Variants in PPP1R42 observed in about 807,000 individuals in gnomAD.
The protein encoded by PPP1R42 is protein phosphatase 1 regulatory subunit 42.
A neutral mutation model predicts 31.0 loss-of-function variants in PPP1R42; 34 were observed. The ratio of observed to expected loss-of-function variants is 1.10; its 90% CI spans 0.83 to 1.46. The LOEUF (loss-of-function observed/expected upper bound fraction) is 1.46, where lower values mean the gene tolerates loss of function less well. Ranked by LOEUF, PPP1R42 falls within the 40% of genes most tolerant of loss-of-function variation. The probability of loss-of-function intolerance (pLI) is 0.00; values close to 1 mark genes in which losing one functional copy is unlikely to be tolerated. For missense variants in PPP1R42, 268 were observed against 303.0 expected (o/e 0.88, Z 0.86); for synonymous variants, 103 against 109.8 (o/e 0.94, Z 0.39).
At chr8:66,977,258 ACTC>A (rs1814703728) in intron 7 of PPP1R42, among the ~76,000 whole-genome samples, 1 of 145,196 alleles carries the variant, frequency 6.9e-6, no homozygotes, top group Non-Finnish European at 1.5e-5. Flanking sequence ...CTGGTCTTGA[ACTC>A]CTGATCTATG....
chr8:66,987,281 A>G (rs192752548), intron 6 of PPP1R42, among the ~76,000 whole-genome samples: 2 of 149,520 alleles, frequency 1.3e-5, no homozygotes, highest in African/African-American at 4.9e-5. Context: ...ATTTTTAGCA[A>G]ATGATCTTTT....
At chr8:67,011,558 A>G (rs1815845362) in intron 4 of PPP1R42, among the ~76,000 whole-genome samples, 1 of 152,150 alleles carries the variant, frequency 6.6e-6, no homozygotes, top group Non-Finnish European at 1.5e-5. Flanking sequence ...TTTTGTCTTT[A>G]TTTTACTAAA....
intron 1 of PPP1R42, among the ~76,000 whole-genome samples, chr8:67,024,864 G>A (rs149365390): frequency 1.9e-4 from 29 of 151,782 alleles, no homozygotes; most frequent in African/African-American, 6.0e-4. Flanking sequence ...GCATTCCAGC[G>A]ATAAACCAAA....
intron 1 of PPP1R42, among the ~76,000 whole-genome samples, chr8:67,026,004 CAA>C (rs534627312): frequency 2.1e-4 from 17 of 82,756 alleles, no homozygotes; most frequent in Admixed American, 5.5e-4. Flanking sequence ...GACTCCGTCT[CAA>C]AAAAAAAAAA....
In PPP1R42 at chr8:67,003,873, A is replaced by G. The variant is rs562415548; in HGVS notation, c.552+6842T>C. On this transcript the variant is annotated intron_variant, in intron 5 of 7. Transcript: ENST00000685739. ...TGGGAAGCCAAGGCGGGTGGATCAC[A>G]AGGTCAGGAGATTGAGACCATCCTG... Among the ~76,000 whole-genome samples the G allele has an allele frequency of 8.5e-5, 13 of 152,252 alleles. No individual in the cohort carries two copies. The South Asian group carries it at 2.3e-3, about 27-fold the overall frequency.
chr8:66,983,657 A>T (rs1023493400), intron 6 of PPP1R42, among the ~76,000 whole-genome samples: 1 of 152,218 alleles, frequency 6.6e-6, no homozygotes, highest in African/African-American at 2.4e-5. Context: ...TATTCTGATA[A>T]AATATTAGTT....
chr8:66,997,349 G>A lies in PPP1R42; in HGVS notation c.553-8832C>T, dbSNP rs148004569. Among the ~76,000 whole-genome samples, 380 of 151,942 alleles carry A rather than the reference G, an allele frequency of 2.5e-3. 2 individuals carry two copies. The highest frequency in any genetic ancestry group is 8.8e-3 in the African/African-American group (364 of 41,430). ...GGATCTCACTTTGAAACCCAGGCTGGAGTGCAGTGCCATGATCATGGCTCT... is the reference window on the plus strand; with the variant it reads ...GGATCTCACTTTGAAACCCAGGCTGAAGTGCAGTGCCATGATCATGGCTCT... On this transcript the variant is annotated intron_variant, in intron 5 of 7. Coordinates refer to ENST00000685739, the MANE Select transcript of PPP1R42 (RefSeq NM_001364910.1).
At chr8:66,985,435 A>T in intron 6 of PPP1R42, 1 of 800,104 alleles carries the variant, frequency 1.2e-6, no homozygotes. Context: ...TGTTGCATCT[A>T]CAATGCACCC....
At chr8:66,965,519 C>A (rs960939206) in intron 7 of PPP1R42, among the ~76,000 whole-genome samples, 5 of 150,792 alleles carry the variant, frequency 3.3e-5, no homozygotes, top group African/African-American at 4.9e-5. Flanking sequence ...TCACTGCAGG[C>A]TTGAACTCCG....
rs1051636998 is a variant in PPP1R42 at position 66,984,832 on chromosome 8, C to T, written c.671-2652G>A. On this transcript the variant is annotated intron_variant, in intron 6 of 7. Transcript: ENST00000685739. Reference sequence around the variant, plus strand: ...TTCTGGAGGAGGCATCAGGCCCAGCCTGACTTTTTCTAGTAGTTCCTTCTG... The same window carrying T: ...TTCTGGAGGAGGCATCAGGCCCAGCTTGACTTTTTCTAGTAGTTCCTTCTG... The T allele has an allele frequency of 1.0e-5, 16 of 1,598,112 alleles. No individual in the cohort carries two copies. The African/African-American group carries it at 2.0e-4, about 20-fold the overall frequency.
intron 6 of PPP1R42, chr8:66,985,973 T>G: frequency 1.3e-6 from 1 of 746,920 alleles, no homozygotes; most frequent in Admixed American, 1.9e-5. Flanking sequence ...GTTTTCTGCT[T>G]CCGTCACTGC....
At chr8:66,977,500 G>A (rs1036398725) in intron 7 of PPP1R42, among the ~76,000 whole-genome samples, 1 of 151,816 alleles carries the variant, frequency 6.6e-6, no homozygotes, top group African/African-American at 2.4e-5. Flanking sequence ...ACCACACTGA[G>A]CTAATTTTCT....
At position 67,013,017 on chromosome 8, in the gene PPP1R42, G is replaced by T. The variant is rs1287868699; in HGVS notation, c.376C>A (p.Gln126Lys). Residue 126 changes from glutamine to lysine, a missense_variant, in exon 4 of 8, where the codon CAG becomes AAG. Transcript: ENST00000685739. ...AGCTTTTCCCCAAGGGGAAGCCTCT[G>T]ATTCTCAACATGAAGCTCTCTTAGT... ...GELRELHVEN[Q>K]RLPLGEKLLF... 6.2e-7 allele frequency: 1 copy of T among 1,612,246 alleles called. No homozygotes were observed. The highest frequency in any genetic ancestry group is 8.5e-7 in the Non-Finnish European group (1 of 1,179,288).
intron 6 of PPP1R42, among the ~76,000 whole-genome samples, chr8:66,986,813 T>C (rs549595301): frequency 8.5e-5 from 13 of 152,274 alleles, no homozygotes; most frequent in African/African-American, 2.9e-4. Flanking sequence ...AGTAAATACT[T>C]TCACAGTCGT....
chr8:66,984,909 A>T, intron 6 of PPP1R42: 1 of 1,538,342 alleles, frequency 6.5e-7, no homozygotes, highest in South Asian at 1.1e-5. Flanking sequence ...TCTTGGTAAG[A>T]TACACTCCCA....
At chr8:67,003,578 G>A (rs1373039141) in intron 5 of PPP1R42, among the ~76,000 whole-genome samples, 2 of 151,810 alleles carry the variant, frequency 1.3e-5, no homozygotes, top group Non-Finnish European at 2.9e-5. Context: ...CTAGGTTTCT[G>A]TTTGTTTTTA....
intron 6 of PPP1R42, chr8:66,984,337 T>A (rs1563417472): frequency 5.5e-6 from 7 of 1,276,306 alleles, no homozygotes; most frequent in Non-Finnish European, 1.1e-6. Flanking sequence ...AGGTTCCTCA[T>A]GATCATCTCC....
chr8:66,997,943 T>C (rs1371246488), intron 5 of PPP1R42, among the ~76,000 whole-genome samples: 2 of 152,172 alleles, frequency 1.3e-5, no homozygotes, highest in Non-Finnish European at 2.9e-5. Flanking sequence ...GAGATCTTGA[T>C]TGGGATTATG....
chr8:67,024,621 C>A (rs1359027904), intron 1 of PPP1R42, among the ~76,000 whole-genome samples: 2 of 151,410 alleles, frequency 1.3e-5, no homozygotes, highest in African/African-American at 4.8e-5. Context: ...ACTACAGGCG[C>A]CTCCCACCAA....
Sources: gnomAD v4.1 joint callset for allele counts (sites outside exome capture counted in the v4.1 genomes callset) on GRCh38, gnomAD v4.1.1 for gene constraint, MANE v1.5 for transcripts, NCBI Gene and HGNC (gene_info 2026-07-23, HGNC 2026-07-21) for gene names.